Variants in CERKL observed in about 807,000 individuals in gnomAD.
CERKL encodes CERK like autophagy regulator.
A neutral mutation model predicts 63.4 loss-of-function variants in CERKL; 61 were observed. That is an observed-to-expected ratio of 0.96 (90% confidence interval 0.78 to 1.19). The LOEUF (loss-of-function observed/expected upper bound fraction) is 1.19, where lower values mean the gene tolerates loss of function less well. CERKL is among the 50% of genes most tolerant of loss of function. CERKL has a pLI of 0.00. For synonymous variants in CERKL, 250 were observed against 230.5 expected (o/e 1.08, Z -0.77); for missense variants, 675 against 655.5 (o/e 1.03, Z -0.33).
intron 11 of CERKL, among the ~76,000 whole-genome samples, chr2:181,542,180 T>C (rs1687537807): frequency 6.6e-6 from 1 of 152,136 alleles, no homozygotes; most frequent in African/African-American, 2.4e-5. Flanking sequence ...GGCAAAGCAA[T>C]AGGATGGAGC....
chr2:181,597,404 G>A (rs2105885218), intron 2 of CERKL, among the ~76,000 whole-genome samples: 1 of 152,200 alleles, frequency 6.6e-6, no homozygotes, highest in Middle Eastern at 3.4e-3. Flanking sequence ...ACAGACCTTG[G>A]ATGCCAGCTC....
chr2:181,565,650 A>G, intron 4 of CERKL: 1 of 727,598 alleles, frequency 1.4e-6, no homozygotes, highest in South Asian at 1.6e-5. Context: ...AAGTTAACCA[A>G]TGGGTAGCTA....
At chr2:181,582,734 A>G (rs183210058) in intron 2 of CERKL, among the ~76,000 whole-genome samples, 68 of 151,994 alleles carry the variant, frequency 4.5e-4, no homozygotes, top group African/African-American at 1.4e-3. Context: ...TAGTAAACAC[A>G]GGGTTTCACA....
intron 2 of CERKL, among the ~76,000 whole-genome samples, chr2:181,592,309 C>T (rs2105877703): frequency 6.6e-6 from 1 of 152,256 alleles, no homozygotes; most frequent in Non-Finnish European, 1.5e-5. Context: ...CTGTTACTTA[C>T]AGACATGTTA....
chr2:181,544,867 G>A (rs186404709), intron 10 of CERKL, 71 bp from the exon 11 acceptor site: 27 of 855,112 alleles, frequency 3.2e-5, no homozygotes, highest in Admixed American at 4.1e-5. Context: ...ATGACATACT[G>A]TTCCTTATAA....
chr2:181,617,794 T>C (rs1369080043), intron 1 of CERKL, among the ~76,000 whole-genome samples: 1 of 152,232 alleles, frequency 6.6e-6, no homozygotes, highest in African/African-American at 2.4e-5. Context: ...TTTCAAATTA[T>C]AACCAGCCTT....
At chr2:181,626,025 T>C (rs1431305970) in intron 1 of CERKL, among the ~76,000 whole-genome samples, 8 of 151,492 alleles carry the variant, frequency 5.3e-5, no homozygotes, top group African/African-American at 2.0e-4. Context: ...ATGATCCCAT[T>C]TTACAGATTG....
At chr2:181,554,009 T>C (rs1250758153) in intron 5 of CERKL, among the ~76,000 whole-genome samples, 1 of 152,106 alleles carries the variant, frequency 6.6e-6, no homozygotes, top group Admixed American at 6.6e-5. Context: ...ACATTTTAAT[T>C]AGCCTGAAAG....
intron 1 of CERKL, among the ~76,000 whole-genome samples, chr2:181,639,700 G>T (rs754566274): frequency 2.6e-5 from 4 of 152,178 alleles, no homozygotes; most frequent in Non-Finnish European, 5.9e-5. Flanking sequence ...GGACAGTGCA[G>T]GCTCTGGAGT....
In CERKL at chr2:181,657,093, C is replaced by T; in HGVS notation, c.-87G>A. The T allele has an allele frequency of 1.6e-6, 2 of 1,239,876 alleles. No homozygotes were observed. The highest frequency in any genetic ancestry group is 2.0e-5 in the Admixed American group (1 of 50,518). The allele number at this position is 1,239,876 out of a possible 1,614,324, so 76.8% of individuals were successfully genotyped here. On this transcript the variant is annotated 5_prime_UTR_variant, in exon 1 of 13. Coordinates refer to ENST00000410087, the MANE Select transcript of CERKL (RefSeq NM_201548.5). ...AGGGCGCGGCAGCCCCAGCTCTAGC[C>T]GCGTCCAGCGCTGCCACAGCAACGG...
intron 1 of CERKL, among the ~76,000 whole-genome samples, chr2:181,643,962 C>A (rs6713027): frequency 0.25 from 38,167 of 152,100 alleles, 6,766 homozygotes; most frequent in African/African-American, 0.5. Flanking sequence ...TAAAAGCTTA[C>A]CCCTTGTTAA....
At chr2:181,564,330 A>G (rs561922951) in intron 4 of CERKL, among the ~76,000 whole-genome samples, 21 of 152,250 alleles carry the variant, frequency 1.4e-4, no homozygotes, top group Admixed American at 4.6e-4. Context: ...AGAAATTTGA[A>G]ATTATTGTAA....
At chr2:181,608,632 T>A (rs1685824679) in intron 1 of CERKL, among the ~76,000 whole-genome samples, 1 of 152,096 alleles carries the variant, frequency 6.6e-6, no homozygotes, top group African/African-American at 2.4e-5. Flanking sequence ...AAAGCCAACA[T>A]CACACTTACT....
chr2:181,589,193 C>A (rs1349807224), intron 2 of CERKL, among the ~76,000 whole-genome samples: 4 of 152,218 alleles, frequency 2.6e-5, no homozygotes, highest in South Asian at 2.1e-4. Context: ...TCCTTTCTAC[C>A]ATATTAAGAA....
chr2:181,551,942 G>C (rs1313665365), intron 5 of CERKL, among the ~76,000 whole-genome samples: 1 of 152,080 alleles, frequency 6.6e-6, no homozygotes, highest in African/African-American at 2.4e-5. Flanking sequence ...CTTCAGATTA[G>C]GGACAATCAG....
intron 5 of CERKL, among the ~76,000 whole-genome samples, chr2:181,553,812 T>G (rs1312304281): frequency 6.6e-6 from 1 of 152,156 alleles, no homozygotes; most frequent in East Asian, 1.9e-4. Context: ...ATATGTAAAA[T>G]TGCAAAACGA....
In CERKL at chr2:181,558,568, G is replaced by T. The variant is rs1056709588; in HGVS notation, c.818C>A (p.Ala273Glu). The change falls in exon 5 of 13, where the codon GCA becomes GAA. Residue 273 changes from alanine (A) to glutamate (E), a missense_variant and splice_region_variant. Ala to Glu is a moderately radical substitution (Grantham distance 107). Transcript: ENST00000410087. This position sits in a 1 kb window ranked among gnomAD's most constrained non-coding sequence, Gnocchi z 4.2. ...RAQLPLGLIP[A>E]GSTNVLAHSL... ...TGAATCTGTAGCCACTCCCTTGCCTGCTGGTATTAAGCCAAGTGGAAGCTG... is the reference window on the plus strand; with the variant it reads ...TGAATCTGTAGCCACTCCCTTGCCTTCTGGTATTAAGCCAAGTGGAAGCTG... 6.2e-7 allele frequency: 1 copy of T among 1,613,404 alleles called. No individual in the cohort carries two copies. Among genetic ancestry groups the T allele is most frequent in the African/African-American group, 1.3e-5 (1 of 74,982 alleles).
intron 2 of CERKL, among the ~76,000 whole-genome samples, chr2:181,597,611 T>C (rs940224407): frequency 1.3e-5 from 2 of 152,192 alleles, no homozygotes; most frequent in Non-Finnish European, 2.9e-5. Context: ...ATGTTATTGG[T>C]GGTAATTTAG....
At chr2:181,636,727 A>C (rs147942088) in intron 1 of CERKL, among the ~76,000 whole-genome samples, 34 of 152,244 alleles carry the variant, frequency 2.2e-4, no homozygotes, top group African/African-American at 7.0e-4. Context: ...CTGTCTTGCT[A>C]ACTCCAAATC....
Sources: allele counts gnomAD v4.1 joint callset (sites outside exome capture counted in the v4.1 genomes callset), GRCh38; gene constraint gnomAD v4.1.1; non-coding constraint Gnocchi (gnomAD v3.1); transcripts MANE v1.5; gene names NCBI Gene and HGNC (gene_info 2026-07-23, HGNC 2026-07-21).